The following MOB3B variants were observed in gnomAD, a reference collection of about 807,000 sequenced individuals.
MOB3B encodes MOB kinase activator-like 2B.
A neutral mutation model predicts 18.7 loss-of-function variants in MOB3B; 7 were observed. The observed-to-expected ratio is 0.37, with a 90% confidence interval of 0.21 to 0.70. The LOEUF is 0.70. Ranked by LOEUF, MOB3B falls within the 30% of genes least tolerant of loss-of-function variation. MOB3B has a pLI of 0.52. For missense variants in MOB3B, 253 were observed against 281.3 expected (o/e 0.90, Z 0.72); for synonymous variants, 111 against 99.9 (o/e 1.11, Z -0.66).
intron 2 of MOB3B, among the ~76,000 whole-genome samples, chr9:27,359,447 G>A (rs1243688409): frequency 2.0e-5 from 3 of 151,808 alleles, no homozygotes. Context: ...CAGTTGCTGC[G>A]ACTACAGCCA....
chr9:27,427,197 C>A lies in MOB3B; in HGVS notation c.418+27936G>T, dbSNP rs557866029. On this transcript the variant is annotated intron_variant, in intron 2 of 3. Transcript: ENST00000262244. ...AGTGCTAGTTCCATTTTTTTTCCCA[C>A]CCACCAGAAGGCCAGGGCTAAGCCT... 7.6e-4 allele frequency among the ~76,000 whole-genome samples: 115 copies of A among 152,250 alleles called. No homozygotes were observed. The South Asian group carries it at 0.022, about 29-fold the overall frequency.
intron 1 of MOB3B, among the ~76,000 whole-genome samples, chr9:27,492,750 A>T (rs1035010241): frequency 6.6e-6 from 1 of 152,218 alleles, no homozygotes; most frequent in African/African-American, 2.4e-5. Context: ...AGATAAAAAG[A>T]AACTAAGTAT....
At chr9:27,505,407 T>A (rs1354887320) in intron 1 of MOB3B, among the ~76,000 whole-genome samples, 2 of 152,174 alleles carry the variant, frequency 1.3e-5, no homozygotes, top group Admixed American at 6.5e-5. Context: ...AACCTACCAC[T>A]TTCCCGTGAA....
Position 27,425,385 on chromosome 9 carries a change from A to AAAAAAC in MOB3B, c.418+29747_418+29748insGTTTTT, listed in dbSNP as rs1554648746. On this transcript the variant is annotated intron_variant, in intron 2 of 3. Coordinates refer to ENST00000262244, the MANE Select transcript of MOB3B (RefSeq NM_024761.5). ...AGCAAAACTGTCTCAAAAAAAAAAA[A>AAAAAAC]AAAACAAAACAACAACAACAAAAAA... is the stretch of plus-strand genomic sequence containing the variant. Among the ~76,000 whole-genome samples the AAAAAAC allele has an allele frequency of 9.6e-3, 1,398 of 145,084 alleles. 16 individuals are homozygous for AAAAAAC. The highest frequency in any genetic ancestry group is 0.027 in the African/African-American group (1,050 of 39,212).
chr9:27,338,295 G>C (rs1161598268), intron 3 of MOB3B, among the ~76,000 whole-genome samples: 2 of 152,108 alleles, frequency 1.3e-5, no homozygotes, highest in Admixed American at 6.5e-5. Context: ...TCCCAGCCCT[G>C]CTTGGGTGTG....
rs138287792 is a variant in MOB3B at position 27,368,353 on chromosome 9, TACACACACAC to T, written c.419-9127_419-9118del. Among the ~76,000 whole-genome samples the T allele has an allele frequency of 9.5e-4, 139 of 145,988 alleles. 1 individual carries two copies. The highest frequency in any genetic ancestry group is 3.3e-3 in the African/African-American group (132 of 39,784). On this transcript the variant is annotated intron_variant, in intron 2 of 3. Coordinates refer to ENST00000262244, the MANE Select transcript of MOB3B (RefSeq NM_024761.5). The stretch of plus-strand genomic sequence containing the variant: ...ATACATATATATACACACACATACA[TACACACACAC>T]ACACACACACACACACACACACATA...
intron 3 of MOB3B, among the ~76,000 whole-genome samples, chr9:27,346,690 T>C (rs1821034616): frequency 2.0e-5 from 3 of 152,216 alleles, no homozygotes. Context: ...CATTAATCTC[T>C]ATTTTAAAAT....
At chr9:27,393,875 C>G (rs892791669) in intron 2 of MOB3B, among the ~76,000 whole-genome samples, 18 of 152,172 alleles carry the variant, frequency 1.2e-4, no homozygotes, top group Admixed American at 1.0e-3. Context: ...CTAAACCACT[C>G]CTCCAAGTAA....
chr9:27,505,043 C>T (rs531256527), intron 1 of MOB3B, among the ~76,000 whole-genome samples: 2 of 152,322 alleles, frequency 1.3e-5, no homozygotes, highest in South Asian at 4.1e-4. Context: ...CCTGATAATC[C>T]AGAACAATCA....
At chr9:27,488,575 C>T (rs1218193452) in intron 1 of MOB3B, among the ~76,000 whole-genome samples, 2 of 152,046 alleles carry the variant, frequency 1.3e-5, no homozygotes, top group African/African-American at 4.8e-5. Context: ...ACTCGGCTAA[C>T]TTTTGTATTT....
At chr9:27,478,879 CAAAGAG>C (rs1819603284) in intron 1 of MOB3B, among the ~76,000 whole-genome samples, 2 of 147,864 alleles carry the variant, frequency 1.4e-5, no homozygotes, top group Admixed American at 1.3e-4. Flanking sequence ...ACACTAGCAC[CAAAGAG>C]AAAGTCATAC....
chr9:27,493,083 T>G (rs1819844837), intron 1 of MOB3B, among the ~76,000 whole-genome samples: 1 of 152,202 alleles, frequency 6.6e-6, no homozygotes, highest in Non-Finnish European at 1.5e-5. Context: ...TACACCTTGA[T>G]CAAGAGTGGG....
intron 2 of MOB3B, among the ~76,000 whole-genome samples, chr9:27,452,873 A>G (rs4571822): frequency 0.13 from 19,261 of 152,192 alleles, 1,293 homozygotes; most frequent in African/African-American, 0.17. Context: ...AGCTGGAGGT[A>G]TAGAGAGGGC....
chr9:27,509,871 C>T (rs1227119005), intron 1 of MOB3B, among the ~76,000 whole-genome samples: 2 of 152,060 alleles, frequency 1.3e-5, no homozygotes, highest in African/African-American at 2.4e-5. Context: ...ATTACAGGCG[C>T]GCAGCACCGC....
chr9:27,529,765 G>A lies in MOB3B; in HGVS notation c.-409C>T. ...CAGCTGCAGCCGCCGTCGCTCCGGAGCAGCCCCCTCATGCACCCAGCGCGC... is the reference window on the plus strand; with the variant it reads ...CAGCTGCAGCCGCCGTCGCTCCGGAACAGCCCCCTCATGCACCCAGCGCGC... On this transcript the variant is annotated 5_prime_UTR_variant, in exon 1 of 4. Coordinates refer to ENST00000262244, the MANE Select transcript of MOB3B (RefSeq NM_024761.5). 3 of 985,454 alleles carry A rather than the reference G, an allele frequency of 3.0e-6. No individual in the cohort carries two copies. Among genetic ancestry groups the A allele is most frequent in the Non-Finnish European group, 3.6e-6 (3 of 829,966 alleles). The allele number at this position is 985,454 out of a possible 1,614,324, so 61.0% of individuals were successfully genotyped here.
At chr9:27,498,384 A>G (rs1262536754) in intron 1 of MOB3B, among the ~76,000 whole-genome samples, 20 of 152,144 alleles carry the variant, frequency 1.3e-4, no homozygotes. Context: ...GAGACCTTTA[A>G]TTAGAGGAGC....
At chr9:27,521,172 A>C (rs1311549317) in intron 1 of MOB3B, among the ~76,000 whole-genome samples, 1 of 152,222 alleles carries the variant, frequency 6.6e-6, no homozygotes, top group Admixed American at 6.5e-5. Context: ...CATGCACTAC[A>C]ACTTATTCCT....
intron 2 of MOB3B, among the ~76,000 whole-genome samples, chr9:27,370,045 T>C (rs13284667): frequency 6.6e-6 from 1 of 151,140 alleles, no homozygotes; most frequent in Non-Finnish European, 1.5e-5. Context: ...CAGAACACGG[T>C]GGTTCTCCAT....
At chr9:27,526,048 A>T (rs1325509670) in intron 1 of MOB3B, 1 of 152,092 alleles carries the variant, frequency 6.6e-6, no homozygotes, top group African/African-American at 2.4e-5. Context: ...GATTGTGGCT[A>T]CGCAAATGCA....
Sources: gnomAD v4.1 joint callset for allele counts (sites outside exome capture counted in the v4.1 genomes callset) on GRCh38, gnomAD v4.1.1 for gene constraint, MANE v1.5 for transcripts, NCBI Gene and HGNC (gene_info 2026-07-23, HGNC 2026-07-21) for gene names.